Variants in BICDL1 observed in about 807,000 individuals in gnomAD.
BICDL1 encodes the protein BICD family like cargo adaptor 1, also known as BICD family-like cargo adapter 1.
BICDL1 carries 20 observed loss-of-function variants against 76.8 expected under a neutral mutation model. The ratio of observed to expected loss-of-function variants is 0.26; its 90% CI spans 0.18 to 0.38. The LOEUF (loss-of-function observed/expected upper bound fraction) is 0.38. Ranked by LOEUF, BICDL1 falls within the 10% of genes least tolerant of loss-of-function variation. The pLI is 1.00. For synonymous variants in BICDL1, 383 were observed against 337.1 expected, an observed-to-expected ratio of 1.14 and a Z score of -1.49; for missense variants, 700 against 798.6, an observed-to-expected ratio of 0.88 and a Z score of 1.49.
At chr12:119,998,253 C>G (rs867997381) in intron 1 of BICDL1, among the ~76,000 whole-genome samples, 3 of 152,208 alleles carry the variant, frequency 2.0e-5, no homozygotes, top group Non-Finnish European at 2.9e-5. Flanking sequence ...ACTCCCTAGT[C>G]TAGAACCTCA....
At chr12:120,061,532 G>A (rs1005732503) in intron 2 of BICDL1, among the ~76,000 whole-genome samples, 178 bp from the exon 3 acceptor site, 1 of 152,080 alleles carries the variant, frequency 6.6e-6, no homozygotes, top group Admixed American at 6.5e-5. Flanking sequence ...GTAGAGGTGG[G>A]GGTGGGAGTT....
intron 2 of BICDL1, among the ~76,000 whole-genome samples, chr12:120,039,427 C>G (rs1400523095): frequency 6.6e-6 from 1 of 151,908 alleles, no homozygotes; most frequent in Non-Finnish European, 1.5e-5. Context: ...ATTATGAGGT[C>G]AGGAGTTCGA....
rs892456127 is a variant in BICDL1 at position 120,071,630 on chromosome 12, A to G, written c.918A>G (p.Gln306=). The G allele has an allele frequency of 9.3e-6, 15 of 1,606,110 alleles. No homozygotes were observed. The highest frequency in any genetic ancestry group is 1.3e-5 in the Non-Finnish European group (15 of 1,177,118). ...TGCTCTTTCTTTGAAAGCTGCACCA[A>G]AGCCAGCTGGAGCTTCAGGAGGTGC... ...QGHDKDLQLH[Q]SQLELQEVRL... The change falls in exon 5 of 10, where the codon CAA becomes CAG. Residue 306 remains glutamine (Q), a synonymous_variant. Coordinates refer to ENST00000548673, the MANE Select transcript of BICDL1 (RefSeq NM_001367886.1). This position sits in a 1 kb window ranked among gnomAD's most constrained non-coding sequence, Gnocchi z 4.8.
chr12:120,081,821 C>A (rs1874015939), intron 8 of BICDL1, among the ~76,000 whole-genome samples: 1 of 150,814 alleles, frequency 6.6e-6, no homozygotes, highest in African/African-American at 2.4e-5. Context: ...GTTATTTCAT[C>A]TATATCCTCA....
chr12:120,050,261 T>G (rs1952828849), intron 2 of BICDL1, among the ~76,000 whole-genome samples: 2 of 150,726 alleles, frequency 1.3e-5, no homozygotes, highest in Non-Finnish European at 3.0e-5. Flanking sequence ...TCTCTTTTTT[T>G]TTTTTCTTTT....
At chr12:120,077,183 G>A (rs1190750558) in intron 7 of BICDL1, among the ~76,000 whole-genome samples, 2 of 152,268 alleles carry the variant, frequency 1.3e-5, no homozygotes, top group African/African-American at 4.8e-5. Context: ...GGGGCTGGAA[G>A]CCTATCCAAA....
intron 2 of BICDL1, among the ~76,000 whole-genome samples, chr12:120,047,630 A>G (rs1054360637): frequency 6.6e-6 from 1 of 152,166 alleles, no homozygotes; most frequent in Admixed American, 6.6e-5. Context: ...TAAACATTTC[A>G]TATATATTAT....
chr12:120,013,439 A>AGTGT (rs35499277), intron 2 of BICDL1, among the ~76,000 whole-genome samples: 13,243 of 134,736 alleles, frequency 0.098, 657 homozygotes, highest in East Asian at 0.14. Flanking sequence ...CTTTAACCAG[A>AGTGT]GTGTGTGTGT....
chr12:120,064,359 A>C (rs1953173178), intron 3 of BICDL1, among the ~76,000 whole-genome samples: 1 of 152,134 alleles, frequency 6.6e-6, no homozygotes, highest in Non-Finnish European at 1.5e-5. Context: ...GAAGTAGTGC[A>C]GCAGGTTAGG....
intron 1 of BICDL1, among the ~76,000 whole-genome samples, chr12:119,995,424 C>G (rs1489543764): frequency 1.3e-5 from 2 of 152,156 alleles, no homozygotes; most frequent in African/African-American, 4.8e-5. Context: ...TCAGCCCTGC[C>G]CCCAAGTGGA....
At position 120,042,921 on chromosome 12, in the gene BICDL1, A is replaced by G. The variant is rs539005098; in HGVS notation, c.646-18789A>G. Reference sequence around the variant, plus strand: ...AGGAAGAAGTGCCAGCCTGGTGTCTATTTTTCTGCTAAACCTAACCAGAGG... The same window carrying G: ...AGGAAGAAGTGCCAGCCTGGTGTCTGTTTTTCTGCTAAACCTAACCAGAGG... On this transcript the variant is annotated intron_variant, in intron 2 of 9. Coordinates refer to ENST00000548673, the MANE Select transcript of BICDL1 (RefSeq NM_001367886.1). 4.7e-4 allele frequency among the ~76,000 whole-genome samples: 71 copies of G among 152,024 alleles called. 1 individual carries two copies. In the South Asian group the frequency reaches 0.01, roughly 22 times the overall value.
chr12:120,048,745 G>C lies in BICDL1; in HGVS notation c.646-12965G>C, dbSNP rs150485588. On this transcript the variant is annotated intron_variant, in intron 2 of 9. Coordinates refer to ENST00000548673, the MANE Select transcript of BICDL1 (RefSeq NM_001367886.1). ...ATCCTTGAAATCTAAGATGGTACCA[G>C]ATCTGCCTTCTCTGTTTCATCCCCA... Among the ~76,000 whole-genome samples the C allele has an allele frequency of 3.0e-3, 451 of 152,226 alleles. 3 individuals are homozygous for C. Among genetic ancestry groups the C allele is most frequent in the African/African-American group, 0.01 (420 of 41,532 alleles).
At chr12:120,030,104 CCTAAT>C (rs1415206124) in intron 2 of BICDL1, among the ~76,000 whole-genome samples, 1 of 152,138 alleles carries the variant, frequency 6.6e-6, no homozygotes, top group Admixed American at 6.5e-5. Context: ...ATTACCACAA[CCTAAT>C]TAACACATCT....
At chr12:120,018,097 T>A (rs190601480) in intron 2 of BICDL1, among the ~76,000 whole-genome samples, 4 of 152,202 alleles carry the variant, frequency 2.6e-5, no homozygotes, top group Non-Finnish European at 5.9e-5. Flanking sequence ...AAGCTGTAAT[T>A]CTCATCCCTG....
At chr12:120,027,027 C>CTTT (rs10606114) in intron 2 of BICDL1, among the ~76,000 whole-genome samples, 26 of 118,082 alleles carry the variant, frequency 2.2e-4, no homozygotes, top group African/African-American at 3.4e-4. Flanking sequence ...GATGTAATTT[C>CTTT]TTTTTTTTTT....
At position 119,998,228 on chromosome 12, in the gene BICDL1, G is replaced by A. The variant is rs558938825; in HGVS notation, c.430-293G>A. On this transcript the variant is annotated intron_variant, in intron 1 of 9. Coordinates refer to ENST00000548673, the MANE Select transcript of BICDL1 (RefSeq NM_001367886.1). Reference sequence around the variant, plus strand: ...AGTTCACCAATTGATTAGATGATTGGCAAATTTCAAGTGAACTCCCTAGTC... The same window carrying A: ...AGTTCACCAATTGATTAGATGATTGACAAATTTCAAGTGAACTCCCTAGTC... Among the ~76,000 whole-genome samples the A allele has an allele frequency of 4.6e-5, 7 of 152,238 alleles. No individual in the cohort carries two copies. The South Asian group carries it at 1.0e-3, about 23-fold the overall frequency.
At chr12:120,055,160 T>G (rs1263893149) in intron 2 of BICDL1, among the ~76,000 whole-genome samples, 1 of 152,238 alleles carries the variant, frequency 6.6e-6, no homozygotes, top group Non-Finnish European at 1.5e-5. Flanking sequence ...AATTTCTCTC[T>G]TAAGGTAAAA....
At chr12:119,990,797 C>T (rs1419391417) in intron 1 of BICDL1, among the ~76,000 whole-genome samples, 2 of 152,186 alleles carry the variant, frequency 1.3e-5, no homozygotes, top group Non-Finnish European at 2.9e-5. Context: ...CTTTATATAG[C>T]CTTCAAATGC....
intron 2 of BICDL1, among the ~76,000 whole-genome samples, chr12:120,013,296 A>C (rs188504103): frequency 6.8e-6 from 1 of 147,680 alleles, no homozygotes; most frequent in East Asian, 2.0e-4. Flanking sequence ...CCTGGGGGAC[A>C]GAGCAAGACT....
Sources: gnomAD v4.1 joint callset for allele counts (sites outside exome capture counted in the v4.1 genomes callset) on GRCh38, gnomAD v4.1.1 for gene constraint, Gnocchi (gnomAD v3.1) non-coding constraint, MANE v1.5 for transcripts, NCBI Gene and HGNC (gene_info 2026-07-23, HGNC 2026-07-21) for gene names.